The following ARHGEF12 variants were observed in gnomAD, a reference collection of about 807,000 sequenced individuals.
ARHGEF12 encodes the protein Rho guanine nucleotide exchange factor 12.
A neutral mutation model predicts 211.2 loss-of-function variants in ARHGEF12; 66 were observed. That is an observed-to-expected ratio of 0.31 (90% CI 0.26 to 0.38). ARHGEF12 has a LOEUF of 0.38. Ranked by LOEUF, ARHGEF12 falls within the 10% of genes least tolerant of loss-of-function variation. The pLI, the probability that ARHGEF12 is intolerant of heterozygous loss-of-function variation, is 1.00. For synonymous variants in ARHGEF12, 592 were observed against 638.4 expected, an observed-to-expected ratio of 0.93 and a Z score of 1.09; for missense variants, 1,429 against 1,869.5, an observed-to-expected ratio of 0.76 and a Z score of 4.34.
chr11:120,347,142 T>C (rs1278114272), intron 1 of ARHGEF12, among the ~76,000 whole-genome samples: 1 of 47,274 alleles, frequency 2.1e-5, no homozygotes, highest in Non-Finnish European at 3.9e-5. Context: ...TTTCCTTCCT[T>C]CCTTCCTTCC....
intron 31 of ARHGEF12, among the ~76,000 whole-genome samples, chr11:120,473,547 T>C (rs1377315101): frequency 6.6e-6 from 1 of 152,066 alleles, no homozygotes; most frequent in Non-Finnish European, 1.5e-5. Flanking sequence ...GGACTATAGG[T>C]ATATGCCACC....
intron 1 of ARHGEF12, among the ~76,000 whole-genome samples, chr11:120,372,791 A>G (rs1427544199): frequency 6.6e-6 from 1 of 152,098 alleles, no homozygotes; most frequent in Non-Finnish European, 1.5e-5. Context: ...TCTCTACCTT[A>G]GCTTTTGTCT....
intron 28 of ARHGEF12, among the ~76,000 whole-genome samples, chr11:120,465,871 A>G (rs1946691575): frequency 6.6e-6 from 1 of 152,262 alleles, no homozygotes; most frequent in Non-Finnish European, 1.5e-5. Context: ...GGATTAAAAT[A>G]CTTAATATAG....
intron 5 of ARHGEF12, among the ~76,000 whole-genome samples, chr11:120,421,504 C>G (rs1045489954): frequency 6.2e-5 from 8 of 129,820 alleles, no homozygotes; most frequent in African/African-American, 2.3e-4. Context: ...GTGGCACAAT[C>G]TAGGCTCACT....
At position 120,429,672 on chromosome 11, in the gene ARHGEF12, A is replaced by G. The variant is rs760767574; in HGVS notation, c.664-40A>G. The G allele has an allele frequency of 5.7e-6, 9 of 1,586,224 alleles. 1 individual carries two copies. The South Asian group carries it at 6.9e-5, about 12-fold the overall frequency. Reference sequence around the variant, plus strand: ...TGGACTATTTCTGTATCTTTTTTACATAAGTAATTAATTCTGAAAATATTT... The same window carrying G: ...TGGACTATTTCTGTATCTTTTTTACGTAAGTAATTAATTCTGAAAATATTT... On this transcript the variant is annotated intron_variant, in intron 9 of 40. Coordinates refer to ENST00000397843, the MANE Select transcript of ARHGEF12 (RefSeq NM_015313.3).
At chr11:120,445,488 T>G (rs1946016369) in intron 16 of ARHGEF12, 24 bp downstream of exon 16, 5 of 1,610,922 alleles carry the variant, frequency 3.1e-6, no homozygotes, top group Non-Finnish European at 4.2e-6. Context: ...ACTAACATCC[T>G]GGAGAATTAC....
At chr11:120,351,459 T>A (rs1399567607) in intron 1 of ARHGEF12, among the ~76,000 whole-genome samples, 114 of 5,362 alleles carry the variant, frequency 0.021, no homozygotes, top group Non-Finnish European at 0.031. Context: ...ATATATATTT[T>A]TTTTTTTTTT....
intron 12 of ARHGEF12, chr11:120,439,298 T>C (rs1352424525): frequency 6.6e-6 from 1 of 152,242 alleles, no homozygotes; most frequent in Non-Finnish European, 1.5e-5. Context: ...GTTATCTTTG[T>C]TTCTATAGCA....
chr11:120,365,603 T>G (rs1943401523), intron 1 of ARHGEF12: 2 of 152,216 alleles, frequency 1.3e-5, no homozygotes, highest in African/African-American at 4.8e-5. Flanking sequence ...TTCAATTCTT[T>G]AAATTCTATA....
At chr11:120,355,075 C>T (rs1202632971) in intron 1 of ARHGEF12, among the ~76,000 whole-genome samples, 2 of 152,096 alleles carry the variant, frequency 1.3e-5, no homozygotes, top group Non-Finnish European at 1.5e-5. Flanking sequence ...TTACTGTGAT[C>T]GATATGACTA....
intron 1 of ARHGEF12, among the ~76,000 whole-genome samples, chr11:120,347,188 C>CTTTCTT (rs1942781643): frequency 7.6e-6 from 1 of 131,030 alleles, no homozygotes; most frequent in Non-Finnish European, 1.6e-5. Context: ...TCCTTCCTTT[C>CTTTCTT]TTTCTTTCTT....
In ARHGEF12 at chr11:120,424,771, T is replaced by C. The variant is rs746766915; in HGVS notation, c.406+356T>C. Among the ~76,000 whole-genome samples, 19 of 152,244 alleles carry C rather than the reference T, an allele frequency of 1.2e-4. 1 individual carries two copies. The highest frequency in any genetic ancestry group is 6.5e-5 in the Admixed American group (1 of 15,286). ...GTTGATTATAATATTCCTGTCATTC[T>C]TGGTAATATTTGATACATATATTTG... On this transcript the variant is annotated intron_variant, in intron 7 of 40. Transcript: ENST00000397843.
chr11:120,358,065 T>C (rs548886603), intron 1 of ARHGEF12, among the ~76,000 whole-genome samples: 1 of 152,198 alleles, frequency 6.6e-6, no homozygotes, highest in African/African-American at 2.4e-5. Context: ...ACCTCTGGAT[T>C]GTAGGGAGCC....
intron 1 of ARHGEF12, among the ~76,000 whole-genome samples, chr11:120,398,080 T>C (rs1944444399): frequency 2.0e-5 from 3 of 152,160 alleles, no homozygotes; most frequent in South Asian, 2.1e-4. Context: ...CATTGCTTTA[T>C]AGGAAACTAC....
chr11:120,480,474 T>C, intron 38 of ARHGEF12, 44 bp downstream of exon 38: 1 of 1,544,624 alleles, frequency 6.5e-7, no homozygotes, highest in Non-Finnish European at 8.8e-7. Context: ...ATTTTGATCA[T>C]TGTTAACTGT....
chr11:120,363,032 A>G (rs554049492), intron 1 of ARHGEF12, among the ~76,000 whole-genome samples: 6 of 152,328 alleles, frequency 3.9e-5, no homozygotes, highest in African/African-American at 1.4e-4. Context: ...CTCGGGAGGC[A>G]GAGCTTGCAG....
Position 120,336,959 on chromosome 11 carries a change from A to T in ARHGEF12, c.-285A>T. The T allele has an allele frequency of 2.2e-6, 1 of 461,288 alleles. No homozygotes were observed. Among genetic ancestry groups the T allele is most frequent in the South Asian group, 4.5e-5 (1 of 22,208 alleles). The allele number at this position is 461,288 out of a possible 1,614,324, so 28.6% of individuals were successfully genotyped here. ...GCGCGCGGATTTCCCTCTCTGAGGA[A>T]GTTTATCCTTGTGCCTTCTGGAGGA... On this transcript the variant is annotated 5_prime_UTR_variant, in exon 1 of 41. In the 5' UTR this introduces an upstream ATG that the reference lacks. Transcript: ENST00000397843.
intron 1 of ARHGEF12, among the ~76,000 whole-genome samples, chr11:120,369,867 A>T (rs953092951): frequency 6.6e-6 from 1 of 152,200 alleles, no homozygotes; most frequent in African/African-American, 2.4e-5. Context: ...GAGGCAAGCA[A>T]ATAAAAATTA....
At chr11:120,356,594 T>C (rs1943137404) in intron 1 of ARHGEF12, among the ~76,000 whole-genome samples, 1 of 152,158 alleles carries the variant, frequency 6.6e-6, no homozygotes, top group Admixed American at 6.5e-5. Flanking sequence ...TGTTACCCCA[T>C]CTAGGTCCTC....
Sources: allele counts gnomAD v4.1 joint callset (sites outside exome capture counted in the v4.1 genomes callset), GRCh38; gene constraint gnomAD v4.1.1; transcripts MANE v1.5; gene names NCBI Gene and HGNC (gene_info 2026-07-23, HGNC 2026-07-21).